The following ABCC1 variants were observed in gnomAD, a reference collection of about 807,000 sequenced individuals.
ABCC1 encodes the protein multidrug resistance-associated protein 1.
Under a neutral mutation model 172.9 loss-of-function variants are expected in ABCC1, and 83 were observed. That is an observed-to-expected ratio of 0.48 (90% CI 0.40 to 0.58). The LOEUF (loss-of-function observed/expected upper bound fraction) is 0.58. ABCC1 is among the 20% of genes least tolerant of loss of function. The probability of loss-of-function intolerance (pLI) is 0.00; values close to 1 mark genes in which losing one functional copy is unlikely to be tolerated. For synonymous variants in ABCC1, 937 were observed against 825.2 expected, an observed-to-expected ratio of 1.14 and a Z score of -2.32; for missense variants, 1,817 against 2,002.7, an observed-to-expected ratio of 0.91 and a Z score of 1.77.
chr16:16,076,477 C>A, intron 15 of ABCC1, 76 bp downstream of exon 15: 2 of 1,374,340 alleles, frequency 1.5e-6, no homozygotes, highest in Non-Finnish European at 9.9e-7. Flanking sequence ...TTCGAATTCC[C>A]ACCGTGCTCC....
chr16:15,967,469 G>A (rs578001570), intron 1 of ABCC1, among the ~76,000 whole-genome samples: 156 of 151,918 alleles, frequency 1.0e-3, no homozygotes, highest in Non-Finnish European at 1.7e-3. Context: ...CTTGGACTGG[G>A]CACTGTTGCT....
In ABCC1 at chr16:16,136,586, G is replaced by A. The variant is rs755888300; in HGVS notation, c.4234G>A (p.Val1412Met). 8.7e-6 allele frequency: 14 copies of A among 1,614,160 alleles called. No individual in the cohort carries two copies. Among genetic ancestry groups the A allele is most frequent in the East Asian group, 6.7e-5 (3 of 44,864 alleles). ...SLELAHLKDFVSALPDKLDHE... is the reference protein window; with the variant it reads ...SLELAHLKDFMSALPDKLDHE... ...GGAGCTGGCCCACCTGAAGGACTTC[G>A]TGTCAGCCCTTCCTGACAAGCTAGA... Residue 1412 changes from valine to methionine, a missense_variant, in exon 29 of 31, where the codon GTG becomes ATG. Val to Met is a conservative substitution (Grantham distance 21, BLOSUM62 1). This residue lies in a region of ABCC1 where 1,412 missense variants were observed against 1,600.3 expected (regional missense o/e 0.88). Transcript: ENST00000399410.
intron 5 of ABCC1, 97 bp downstream of exon 5, chr16:16,016,718 G>T: frequency 6.6e-7 from 1 of 1,510,684 alleles, no homozygotes. Context: ...CCAGGATCTC[G>T]TTCCAGCCTC....
chr16:16,056,396 T>C, intron 12 of ABCC1, 101 bp downstream of exon 12: 5 of 1,342,284 alleles, frequency 3.7e-6, no homozygotes, highest in Non-Finnish European at 5.1e-6. Flanking sequence ...CCAGGTGCAG[T>C]GGCTCATGCT....
At position 16,141,506 on chromosome 16, in the gene ABCC1, C is replaced by T. The variant is rs569841810; in HGVS notation, c.*225C>T. 2.5e-4 allele frequency: 136 copies of T among 549,794 alleles called. No homozygotes were observed. In the South Asian group the frequency reaches 2.7e-3, roughly 11 times the overall value. 34.1% of individuals were successfully genotyped at this position (549,794 alleles called of 1,614,324 possible). A position where few individuals can be genotyped will look rare whatever the true frequency, so the allele number is the denominator to read the frequency against. On this transcript the variant is annotated 3_prime_UTR_variant, in exon 31 of 31. Transcript: ENST00000399410. ...AGACAGAGATGCGAACCACCCAAAA[C>T]ACGCACACCCTGCCCCTGGTGCCCT... is the stretch of plus-strand genomic sequence containing the variant.
intron 23 of ABCC1, among the ~76,000 whole-genome samples, chr16:16,118,726 A>C (rs968879133): frequency 6.6e-6 from 1 of 151,944 alleles, no homozygotes; most frequent in African/African-American, 2.4e-5. Flanking sequence ...ACCGAGATGA[A>C]ATGCATAATG....
At chr16:15,952,454 C>T (rs2045894856) in intron 1 of ABCC1, among the ~76,000 whole-genome samples, 1 of 151,910 alleles carries the variant, frequency 6.6e-6, no homozygotes, top group South Asian at 2.1e-4. Context: ...CTGTCTGCCT[C>T]TGAGCCGCAG....
At chr16:15,959,364 C>CAA (rs2046076853) in intron 1 of ABCC1, among the ~76,000 whole-genome samples, 1 of 152,162 alleles carries the variant, frequency 6.6e-6, no homozygotes, top group Admixed American at 6.5e-5. Flanking sequence ...CTCCCTCTGT[C>CAA]ACCCAGGCTG....
At chr16:15,998,663 G>T (rs1211451053) in intron 1 of ABCC1, among the ~76,000 whole-genome samples, 1 of 152,210 alleles carries the variant, frequency 6.6e-6, no homozygotes, top group Non-Finnish European at 1.5e-5. Flanking sequence ...AAGCTAGCCT[G>T]TGCTCTTCAA....
Position 15,998,891 on chromosome 16 carries a change from G to A in ABCC1, c.49-8925G>A, listed in dbSNP as rs1293987949. ...ATCAACTATTAGTATCTGCTACTAC[G>A]GTTTATTGTCTCTAGACTGTATCAG... On this transcript the variant is annotated intron_variant, in intron 1 of 30. Transcript: ENST00000399410. 2.6e-5 allele frequency among the ~76,000 whole-genome samples: 4 copies of A among 152,084 alleles called. No individual in the cohort carries two copies. The South Asian group carries it at 6.2e-4, about 24-fold the overall frequency.
chr16:15,980,933 C>A (rs189533991), intron 1 of ABCC1, among the ~76,000 whole-genome samples: 73 of 152,302 alleles, frequency 4.8e-4, no homozygotes, highest in Non-Finnish European at 7.2e-4. Flanking sequence ...GGAGTACAAG[C>A]ATTGGGTAAA....
chr16:16,059,892 A>G (rs1394296689), intron 12 of ABCC1, among the ~76,000 whole-genome samples: 3 of 139,778 alleles, frequency 2.1e-5, no homozygotes, highest in Non-Finnish European at 4.6e-5. Context: ...GCTTTTTGGG[A>G]GGCTGAGGTA....
At chr16:15,953,993 TC>T (rs1228347542) in intron 1 of ABCC1, among the ~76,000 whole-genome samples, 1 of 147,560 alleles carries the variant, frequency 6.8e-6, no homozygotes, top group Non-Finnish European at 1.5e-5. Flanking sequence ...TCCTCTGTTT[TC>T]CCCTCCCCAC....
intron 29 of ABCC1, among the ~76,000 whole-genome samples, chr16:16,137,254 TG>T (rs2045948763): frequency 1.3e-5 from 2 of 152,094 alleles, no homozygotes; most frequent in African/African-American, 4.8e-5. Flanking sequence ...CATGCATGTC[TG>T]GGAGTCAGCT....
At chr16:16,083,909 G>C (rs1258665939) in intron 17 of ABCC1, among the ~76,000 whole-genome samples, 1 of 152,122 alleles carries the variant, frequency 6.6e-6, no homozygotes, top group Non-Finnish European at 1.5e-5. Flanking sequence ...AAAGGCAAGG[G>C]ACCAAGAAGG....
chr16:15,993,514 C>T (rs905585692), intron 1 of ABCC1, among the ~76,000 whole-genome samples: 1 of 152,086 alleles, frequency 6.6e-6, no homozygotes, highest in Non-Finnish European at 1.5e-5. Flanking sequence ...TTTTGATTGT[C>T]ATAACTTGAG....
chr16:15,994,594 T>C (rs568636863), intron 1 of ABCC1, among the ~76,000 whole-genome samples: 2 of 152,030 alleles, frequency 1.3e-5, no homozygotes, highest in South Asian at 4.1e-4. Context: ...CCTGCTGCTA[T>C]TTATTTATTT....
chr16:15,999,035 C>G (rs1453622151), intron 1 of ABCC1, among the ~76,000 whole-genome samples: 1 of 152,150 alleles, frequency 6.6e-6, no homozygotes, highest in Non-Finnish European at 1.5e-5. Context: ...GAGTCTCGCT[C>G]TGTCTCCCAG....
chr16:16,107,069 G>A (rs570327786), intron 21 of ABCC1, among the ~76,000 whole-genome samples, 196 bp downstream of exon 21: 3 of 152,208 alleles, frequency 2.0e-5, no homozygotes, highest in Non-Finnish European at 2.9e-5. Flanking sequence ...CCTGGTCAGC[G>A]GCAGAACTGG....
Sources: gnomAD v4.1 joint callset for allele counts (sites outside exome capture counted in the v4.1 genomes callset) on GRCh38, gnomAD v4.1.1 for gene constraint, gnomAD v4.1.1 regional missense constraint, MANE v1.5 for transcripts, NCBI Gene and HGNC (gene_info 2026-07-23, HGNC 2026-07-21) for gene names.